The following CORO2B variants were observed in gnomAD, a reference collection of about 807,000 sequenced individuals.
CORO2B encodes the protein coronin 2B, also known as coronin-2B.
CORO2B carries 26 observed loss-of-function variants against 58.8 expected under a neutral mutation model. The observed-to-expected ratio is 0.44, with a 90% confidence interval of 0.32 to 0.61. CORO2B has a LOEUF of 0.61. CORO2B is among the 20% of genes least tolerant of loss of function. CORO2B has a pLI of 0.04. For missense variants in CORO2B, 460 were observed against 645.1 expected (o/e 0.71, Z 3.11); for synonymous variants, 242 against 253.8 (o/e 0.95, Z 0.44).
chr15:68,681,618 A>G (rs1902789495), intron 2 of CORO2B, among the ~76,000 whole-genome samples: 1 of 152,150 alleles, frequency 6.6e-6, no homozygotes, highest in Non-Finnish European at 1.5e-5. Flanking sequence ...TGTAGGGTTG[A>G]GCAAACCAAA....
intron 1 of CORO2B, among the ~76,000 whole-genome samples, chr15:68,597,894 G>T (rs1182958551): frequency 2.6e-5 from 4 of 152,210 alleles, no homozygotes; most frequent in African/African-American, 9.6e-5. Context: ...GAGCTGACCA[G>T]GGGGATCCAG....
chr15:68,602,761 G>A (rs535760361), intron 1 of CORO2B, among the ~76,000 whole-genome samples: 2 of 152,306 alleles, frequency 1.3e-5, no homozygotes, highest in South Asian at 2.1e-4. Context: ...TCTGTGCAAT[G>A]TGCAACACCC....
chr15:68,586,289 A>G (rs1198898922), intron 1 of CORO2B, among the ~76,000 whole-genome samples: 1 of 152,186 alleles, frequency 6.6e-6, no homozygotes, highest in East Asian at 1.9e-4. Context: ...CAGAAAATTA[A>G]TGAGTGTCCT....
chr15:68,641,568 C>T (rs1256773855), intron 1 of CORO2B: 6 of 985,220 alleles, frequency 6.1e-6, no homozygotes, highest in African/African-American at 3.5e-5. Context: ...GGCCGCTGAG[C>T]GCTCCACCTG....
rs569761484 is a variant in CORO2B at position 68,715,250 on chromosome 15, T to C, written c.906T>C (p.Thr302=). 2.5e-6 allele frequency: 4 copies of C among 1,613,852 alleles called. No individual in the cohort carries two copies. The South Asian group carries it at 4.4e-5, about 18-fold the overall frequency. ...DGNIRYYEIS[T]EKPYLSYLME... is the part of the protein sequence containing the mutation. ...ACATCCGGTACTACGAGATCAGCAC[T>C]GAGAAGCCCTACCTGAGTTACCTCA... Residue 302 remains threonine, a synonymous_variant, in exon 8 of 12, where the codon ACT becomes ACC. Coordinates refer to ENST00000261861, the MANE Select transcript of CORO2B (RefSeq NM_006091.5).
the CORO2B span, among the ~76,000 whole-genome samples, chr15:68,551,626 A>T: frequency 3.3e-5 from 5 of 151,688 alleles, no homozygotes. Flanking sequence ...GGCAGCCCAG[A>T]CCCCCAGAGC....
At chr15:68,631,862 G>A in intron 1 of CORO2B, 1 of 803,068 alleles carries the variant, frequency 1.2e-6, no homozygotes, top group Non-Finnish European at 1.5e-6. Context: ...CTCCTGAGCT[G>A]CCAGGAGGAG....
rs1161114014 is a variant in CORO2B, at chr15:68,683,742, CCT to C, written c.217-11394_217-11393del. Among the ~76,000 whole-genome samples the C allele has an allele frequency of 3.3e-5, 5 of 152,316 alleles. No homozygotes were observed. The South Asian group carries it at 8.3e-4, about 25-fold the overall frequency. On this transcript the variant is annotated intron_variant, in intron 2 of 11. Transcript: ENST00000261861. ...CTCCCTCCCTGCAGAGCATGTTCTA[CCT>C]CTCGGCAAGAGAGTGTGGCCTTGGT...
chr15:68,606,390 C>T (rs544860751), intron 1 of CORO2B, among the ~76,000 whole-genome samples: 8 of 152,296 alleles, frequency 5.3e-5, no homozygotes, highest in Admixed American at 3.3e-4. Flanking sequence ...GCATTTATTC[C>T]AAGCTCCCTG....
chr15:68,660,864 A>G (rs8037496), intron 2 of CORO2B, among the ~76,000 whole-genome samples: 97,468 of 152,054 alleles, frequency 0.64, 32,887 homozygotes, highest in East Asian at 0.94. Flanking sequence ...CAATGATGGT[A>G]TCTTCAACTA....
chr15:68,650,543 CG>C (rs1901610115), intron 2 of CORO2B, among the ~76,000 whole-genome samples: 1 of 152,108 alleles, frequency 6.6e-6, no homozygotes, highest in South Asian at 2.1e-4. Flanking sequence ...ACCTGGGAGC[CG>C]GAAGTTGTAG....
chr15:68,656,163 G>A (rs1196999587), intron 2 of CORO2B, among the ~76,000 whole-genome samples: 1 of 28,150 alleles, frequency 3.6e-5, no homozygotes. Flanking sequence ...CCTCCCCCTC[G>A]CACCGTCCCC....
chr15:68,700,724 G>A (rs1317742804), intron 3 of CORO2B, among the ~76,000 whole-genome samples: 1 of 152,196 alleles, frequency 6.6e-6, no homozygotes, highest in Non-Finnish European at 1.5e-5. Context: ...TAGGGAGGGC[G>A]GCTGGCAGGC....
intron 11 of CORO2B, among the ~76,000 whole-genome samples, chr15:68,720,538 C>T (rs1893136623): frequency 6.6e-6 from 1 of 152,202 alleles, no homozygotes; most frequent in South Asian, 2.1e-4. Context: ...GAAGGCTCAA[C>T]TTCCAAGTTC....
chr15:68,538,750 C>A, the CORO2B span, among the ~76,000 whole-genome samples: 1 of 100,410 alleles, frequency 1.0e-5, no homozygotes, highest in Non-Finnish European at 2.0e-5. Flanking sequence ...CATCTCCCAA[C>A]CTCCCCAGAC....
At chr15:68,654,957 C>A (rs773225117) in intron 2 of CORO2B, among the ~76,000 whole-genome samples, 8 of 152,138 alleles carry the variant, frequency 5.3e-5, no homozygotes, top group Non-Finnish European at 1.0e-4. Flanking sequence ...GTCATTTGTG[C>A]CTAAAGGGGT....
At chr15:68,629,400 C>G (rs1054951744) in intron 1 of CORO2B, among the ~76,000 whole-genome samples, 6 of 152,208 alleles carry the variant, frequency 3.9e-5, no homozygotes, top group Admixed American at 2.0e-4. Context: ...AGGCGCCTTT[C>G]TCTATTCTCA....
intron 2 of CORO2B, among the ~76,000 whole-genome samples, chr15:68,671,900 A>C (rs112011168): frequency 0.026 from 3,992 of 152,276 alleles, 81 homozygotes; most frequent in Admixed American, 0.04. Context: ...CTAGGAGGTG[A>C]GATTACAGGA....
chr15:68,650,351 C>CT (rs1365454959), intron 2 of CORO2B, among the ~76,000 whole-genome samples: 1 of 112,374 alleles, frequency 8.9e-6, no homozygotes, highest in African/African-American at 3.9e-5. Context: ...GAGCGAAACT[C>CT]TGTCTAAAAA....
Sources: gnomAD v4.1 joint callset for allele counts (sites outside exome capture counted in the v4.1 genomes callset) on GRCh38, gnomAD v4.1.1 for gene constraint, MANE v1.5 for transcripts, NCBI Gene and HGNC (gene_info 2026-07-23, HGNC 2026-07-21) for gene names.